ITGA1: variants seen among roughly 807,000 people sequenced by gnomAD.
ITGA1 encodes integrin alpha-1.
ITGA1 carries 85 observed loss-of-function variants against 145.9 expected under a neutral mutation model. That is an observed-to-expected ratio of 0.58 (90% CI 0.49 to 0.70). The LOEUF is 0.70. ITGA1 is among the 30% of genes least tolerant of loss of function. The probability of loss-of-function intolerance (pLI) is 0.00; values close to 1 mark genes in which losing one functional copy is unlikely to be tolerated. For missense variants in ITGA1, 1,351 were observed against 1,418.7 expected (o/e 0.95, Z 0.77); for synonymous variants, 520 against 495.3 (o/e 1.05, Z -0.66).
intron 1 of ITGA1, chr5:52,800,012 C>G (rs1169789042): frequency 7.2e-6 from 2 of 279,062 alleles, no homozygotes; most frequent in African/African-American, 4.5e-5. Context: ...TGCGCCTGCG[C>G]ACGCGCGAAC....
intron 1 of ITGA1, among the ~76,000 whole-genome samples, chr5:52,823,649 C>G (rs1299061043): frequency 6.6e-6 from 1 of 152,172 alleles, no homozygotes; most frequent in Non-Finnish European, 1.5e-5. Context: ...AGAACCCACA[C>G]CAGTTAAATG....
intron 14 of ITGA1, among the ~76,000 whole-genome samples, chr5:52,914,872 T>C (rs1473191922): frequency 1.3e-5 from 2 of 152,194 alleles, no homozygotes; most frequent in African/African-American, 4.8e-5. Flanking sequence ...CAGATCAGTC[T>C]TCAAGACATA....
At position 52,808,676 on chromosome 5, in the gene ITGA1, C is replaced by CTTTT. The variant is rs60113844; in HGVS notation, c.61+20280_61+20283dup. Among the ~76,000 whole-genome samples, 486 of 69,250 alleles carry CTTTT rather than the reference C, an allele frequency of 7.0e-3. 2 individuals are homozygous for CTTTT. Among genetic ancestry groups the CTTTT allele is most frequent in the East Asian group, 0.015 (36 of 2,344 alleles). The allele number at this position is 69,250 out of a possible 152,430, so 45.4% of individuals were successfully genotyped here. On this transcript the variant is annotated intron_variant, in intron 1 of 28. Coordinates refer to ENST00000282588, the MANE Select transcript of ITGA1 (RefSeq NM_181501.2). ...TTTTTTTCTTTTTCTTTCTTTCTTT[C>CTTTT]TTTTTTTTTTTTTTTTTTTTTGTTT...
chr5:52,910,356 T>G lies in ITGA1; in HGVS notation c.1794T>G (p.Asp598Glu), dbSNP rs1206971032. ...DIVIGAPLED[D>E]HGGAVYIYHG... ...TGATAGGAGCTCCGCTGGAAGATGA[T>G]CACGGGGGAGCTGTGTACATTTATC... Residue 598 changes from aspartate to glutamate, a missense_variant, in exon 14 of 29, where the codon GAT (aspartate) becomes GAG (glutamate). Physicochemically the swap from Asp to Glu is conservative, Grantham distance 45. Transcript: ENST00000282588. 6.2e-7 allele frequency: 1 copy of G among 1,613,774 alleles called. No individual in the cohort carries two copies. Among genetic ancestry groups the G allele is most frequent in the South Asian group, 1.1e-5 (1 of 91,084 alleles).
At chr5:52,890,274 A>G (rs1258831666) in intron 8 of ITGA1, among the ~76,000 whole-genome samples, 2 of 152,226 alleles carry the variant, frequency 1.3e-5, no homozygotes, top group Non-Finnish European at 2.9e-5. Flanking sequence ...ATAAATTTTA[A>G]GAATATTTCA....
chr5:52,866,462 G>A (rs777698663), intron 6 of ITGA1, among the ~76,000 whole-genome samples: 1 of 151,988 alleles, frequency 6.6e-6, no homozygotes, highest in Non-Finnish European at 1.5e-5. Context: ...TGTCAGAGCC[G>A]GGTGTCAGAG....
intron 27 of ITGA1, among the ~76,000 whole-genome samples, chr5:52,946,973 AATCTAAACTAATGCT>A (rs1383253830): frequency 6.6e-6 from 1 of 152,178 alleles, no homozygotes; most frequent in African/African-American, 2.4e-5. Flanking sequence ...GCGACATTCC[AATCTAAACTAATGCT>A]ATTGTGATAA....
chr5:52,888,038 A>G, intron 8 of ITGA1, 73 bp downstream of exon 8: 1 of 1,447,852 alleles, frequency 6.9e-7, no homozygotes, highest in Non-Finnish European at 9.4e-7. Context: ...GGGTAATTTT[A>G]TGAAAGTCAC....
intron 1 of ITGA1, among the ~76,000 whole-genome samples, chr5:52,842,443 C>T (rs1226263043): frequency 6.6e-6 from 1 of 152,146 alleles, no homozygotes; most frequent in Non-Finnish European, 1.5e-5. Flanking sequence ...AAGATACAGT[C>T]ATCAAAATTA....
intron 9 of ITGA1, among the ~76,000 whole-genome samples, chr5:52,895,207 G>C (rs1750207240): frequency 6.6e-6 from 1 of 152,104 alleles, no homozygotes; most frequent in Non-Finnish European, 1.5e-5. Context: ...CTACAGGCCA[G>C]CCAGACTGAA....
At chr5:52,792,954 C>A (rs1748269966) in intron 1 of ITGA1, among the ~76,000 whole-genome samples, 1 of 152,136 alleles carries the variant, frequency 6.6e-6, no homozygotes, top group Non-Finnish European at 1.5e-5. Flanking sequence ...ATATTTCTAT[C>A]TTCAAGATTA....
chr5:52,889,105 T>A (rs1333725186), intron 8 of ITGA1, among the ~76,000 whole-genome samples: 1 of 91,040 alleles, frequency 1.1e-5, no homozygotes, highest in Admixed American at 1.2e-4. Context: ...TAAACTACTA[T>A]CCATTTTTTT....
intron 26 of ITGA1, 59 bp downstream of exon 26, chr5:52,940,003 C>T (rs1189933597): frequency 3.0e-6 from 3 of 1,001,024 alleles, no homozygotes; most frequent in East Asian, 5.0e-5. Flanking sequence ...ATTCATTTAC[C>T]ACTTAGAATA....
At chr5:52,788,609 T>C (rs570475033) in intron 1 of ITGA1, among the ~76,000 whole-genome samples, 195 bp downstream of exon 1, 1 of 152,188 alleles carries the variant, frequency 6.6e-6, no homozygotes, top group Non-Finnish European at 1.5e-5. Context: ...TTAGTTTTCG[T>C]GTCTCTCCAA....
At chr5:52,854,287 T>G (rs768027411) in intron 2 of ITGA1, among the ~76,000 whole-genome samples, 4 of 152,202 alleles carry the variant, frequency 2.6e-5, no homozygotes, top group Non-Finnish European at 5.9e-5. Context: ...CCTGCTAATG[T>G]AGAGCTATTC....
At chr5:52,918,994 T>G (rs1314619222) in intron 16 of ITGA1, 96 bp downstream of exon 16, 45 of 1,067,126 alleles carry the variant, frequency 4.2e-5, no homozygotes, top group Non-Finnish European at 5.8e-5. Context: ...TTTCCCCACA[T>G]GGTGAGCTGC....
chr5:52,939,095 G>T (rs919741968), intron 24 of ITGA1, among the ~76,000 whole-genome samples: 1 of 151,996 alleles, frequency 6.6e-6, no homozygotes, highest in Non-Finnish European at 1.5e-5. Flanking sequence ...TAGAGATGGG[G>T]CCTCACCATG....
Position 52,939,609 on chromosome 5 carries a change from A to T in ITGA1, c.3098A>T (p.His1033Leu). The change falls in exon 25 of 29, where the codon CAT (histidine) becomes CTT (leucine). Residue 1033 changes from histidine (H) to leucine (L), a missense_variant. Coordinates refer to ENST00000282588, the MANE Select transcript of ITGA1 (RefSeq NM_181501.2). The part of the protein sequence containing the change: ...SSSENANCRP[H>L]IFEDPFSINS... ...TTCTAGAATGCAAACTGCAGACCCC[A>T]TATCTTTGAGGATCCTTTCAGTATC... is the stretch of plus-strand genomic sequence containing the variant. The T allele has an allele frequency of 6.2e-7, 1 of 1,612,054 alleles. No individual in the cohort carries two copies. Among genetic ancestry groups the T allele is most frequent in the Non-Finnish European group, 8.5e-7 (1 of 1,178,230 alleles).
At chr5:52,926,083 A>C (rs1266662572) in intron 19 of ITGA1, among the ~76,000 whole-genome samples, 1 of 152,114 alleles carries the variant, frequency 6.6e-6, no homozygotes, top group Non-Finnish European at 1.5e-5. Flanking sequence ...CCACTGAGTT[A>C]AAATTTTGTG....
Sources: allele counts gnomAD v4.1 joint callset (sites outside exome capture counted in the v4.1 genomes callset), GRCh38; gene constraint gnomAD v4.1.1; transcripts MANE v1.5; gene names NCBI Gene and HGNC (gene_info 2026-07-23, HGNC 2026-07-21).